The following GPC5 variants were observed in gnomAD, a reference collection of about 807,000 sequenced individuals.
GPC5 encodes the protein glypican-5.
A neutral mutation model predicts 53.9 loss-of-function variants in GPC5; 47 were observed. The ratio of observed to expected loss-of-function variants is 0.87; its 90% CI spans 0.69 to 1.11. The LOEUF is 1.11. GPC5 is among the 50% of genes most tolerant of loss of function. The pLI is 0.00. For synonymous variants in GPC5, 286 were observed against 263.3 expected (o/e 1.09, Z -0.84); for missense variants, 748 against 713.1 (o/e 1.05, Z -0.56).
At chr13:92,374,715 A>AG (rs1372993490) in intron 7 of GPC5, among the ~76,000 whole-genome samples, 9 of 52,546 alleles carry the variant, frequency 1.7e-4, no homozygotes, top group Non-Finnish European at 2.9e-4. Context: ...GGGTTGGGGG[A>AG]GGGGGGAGGG....
intron 6 of GPC5, among the ~76,000 whole-genome samples, chr13:92,002,285 A>C (rs1175610240): frequency 6.6e-6 from 1 of 152,228 alleles, no homozygotes; most frequent in Admixed American, 6.5e-5. Context: ...AAAGCGTATT[A>C]ACTGTCATTA....
chr13:91,910,806 G>T (rs1190704167), intron 6 of GPC5, among the ~76,000 whole-genome samples: 1 of 152,138 alleles, frequency 6.6e-6, no homozygotes, highest in South Asian at 2.1e-4. Context: ...AGGCACTGAG[G>T]TTAAAGTTGT....
chr13:92,545,033 A>T (rs1882056850), intron 7 of GPC5, among the ~76,000 whole-genome samples: 1 of 151,984 alleles, frequency 6.6e-6, no homozygotes, highest in African/African-American at 2.4e-5. Context: ...CTCGTCATTT[A>T]GCATTAGGTA....
intron 7 of GPC5, among the ~76,000 whole-genome samples, chr13:92,530,757 A>G (rs970295610): frequency 6.6e-6 from 1 of 152,042 alleles, no homozygotes; most frequent in African/African-American, 2.4e-5. Flanking sequence ...CTTCCACCAT[A>G]CCTTCTTAAG....
intron 7 of GPC5, among the ~76,000 whole-genome samples, chr13:92,848,336 C>T (rs1878677346): frequency 1.3e-5 from 2 of 152,096 alleles, no homozygotes; most frequent in Non-Finnish European, 2.9e-5. Context: ...GTTCTTTCTA[C>T]TACACTTCAT....
At chr13:92,020,564 A>T (rs1271029605) in intron 6 of GPC5, among the ~76,000 whole-genome samples, 1 of 151,940 alleles carries the variant, frequency 6.6e-6, no homozygotes, top group Non-Finnish European at 1.5e-5. Flanking sequence ...ATGATTAGTG[A>T]CACTGAGCAT....
At chr13:92,013,558 G>T (rs1256498240) in intron 6 of GPC5, among the ~76,000 whole-genome samples, 1 of 152,166 alleles carries the variant, frequency 6.6e-6, no homozygotes, top group Admixed American at 6.5e-5. Flanking sequence ...GGAACCAATT[G>T]GGAGAGAGCG....
intron 7 of GPC5, among the ~76,000 whole-genome samples, chr13:92,664,398 C>T (rs1487089317): frequency 2.7e-5 from 4 of 148,982 alleles, no homozygotes; most frequent in Non-Finnish European, 5.9e-5. Flanking sequence ...CAGCATTTTA[C>T]TTCCTTCTTC....
At chr13:91,421,811 A>G (rs914593273) in intron 1 of GPC5, among the ~76,000 whole-genome samples, 2 of 152,228 alleles carry the variant, frequency 1.3e-5, no homozygotes, top group Non-Finnish European at 2.9e-5. Context: ...ATAAGAGTGG[A>G]AAGTATTGAC....
chr13:92,591,096 C>A lies in GPC5; in HGVS notation c.1562-275186C>A, dbSNP rs75936070. 3.2e-3 allele frequency among the ~76,000 whole-genome samples: 482 copies of A among 152,222 alleles called. 7 individuals carry two copies. The highest frequency in any genetic ancestry group is 0.011 in the African/African-American group (461 of 41,554). ...AGATTATTAAAATAACTTTTCATGT[C>A]CCCTTCATCAACCTTTATATGCTGA... On this transcript the variant is annotated intron_variant, in intron 7 of 7. Transcript: ENST00000377067.
chr13:92,274,832 A>G (rs1169574725), intron 7 of GPC5, among the ~76,000 whole-genome samples: 4 of 152,164 alleles, frequency 2.6e-5, no homozygotes, highest in African/African-American at 9.7e-5. Flanking sequence ...TGTTGATTAG[A>G]AGAACATCAC....
At chr13:92,751,326 A>AAAAC (rs1889391704) in intron 7 of GPC5, among the ~76,000 whole-genome samples, 2 of 147,512 alleles carry the variant, frequency 1.4e-5, no homozygotes, top group Non-Finnish European at 3.0e-5. Context: ...AAAAAAAAAA[A>AAAAC]AAAAAAAAAC....
At chr13:92,140,571 ACT>A (rs1356399279) in intron 6 of GPC5, among the ~76,000 whole-genome samples, 6 of 151,756 alleles carry the variant, frequency 4.0e-5, no homozygotes, top group Non-Finnish European at 8.8e-5. Context: ...ACATTTTATC[ACT>A]CTTTCTGTGA....
Position 92,803,039 on chromosome 13 carries a change from T to G in GPC5, c.1562-63243T>G, listed in dbSNP as rs528432525. Among the ~76,000 whole-genome samples, 5 of 152,046 alleles carry G rather than the reference T, an allele frequency of 3.3e-5. No homozygotes were observed. In the South Asian group the frequency reaches 1.0e-3, roughly 32 times the overall value. ...ATGTAGGCTGGAATAGTCTAAATTT[T>G]GGACCCATTCCCCCAAATTTTAATT... On this transcript the variant is annotated intron_variant, in intron 7 of 7. Coordinates refer to ENST00000377067, the MANE Select transcript of GPC5 (RefSeq NM_004466.6).
intron 7 of GPC5, among the ~76,000 whole-genome samples, chr13:92,315,104 T>C (rs2043170301): frequency 6.6e-6 from 1 of 152,138 alleles, no homozygotes; most frequent in South Asian, 2.1e-4. Context: ...TTGAGAGAAA[T>C]TGTTTTAACT....
chr13:91,566,199 A>C (rs771577943), intron 2 of GPC5, among the ~76,000 whole-genome samples: 7 of 152,230 alleles, frequency 4.6e-5, no homozygotes, highest in Non-Finnish European at 7.4e-5. Context: ...TATTAAAGTC[A>C]GTTCTGAGTT....
At chr13:91,517,947 G>T (rs950323591) in intron 2 of GPC5, among the ~76,000 whole-genome samples, 1 of 152,120 alleles carries the variant, frequency 6.6e-6, no homozygotes, top group African/African-American at 2.4e-5. Flanking sequence ...CCTCCCCCGG[G>T]CCCCTCCCAC....
intron 7 of GPC5, among the ~76,000 whole-genome samples, chr13:92,539,887 G>T (rs1418448954): frequency 6.6e-6 from 1 of 151,766 alleles, no homozygotes; most frequent in Admixed American, 6.6e-5. Context: ...TTAATTCATT[G>T]GCTTAAATCC....
chr13:92,718,632 T>C (rs1888407319), intron 7 of GPC5, among the ~76,000 whole-genome samples: 1 of 152,054 alleles, frequency 6.6e-6, no homozygotes, highest in African/African-American at 2.4e-5. Context: ...ATCTCCTATT[T>C]GCTATCACAA....
Sources: gnomAD v4.1 joint callset for allele counts (sites outside exome capture counted in the v4.1 genomes callset) on GRCh38, gnomAD v4.1.1 for gene constraint, MANE v1.5 for transcripts, NCBI Gene and HGNC (gene_info 2026-07-23, HGNC 2026-07-21) for gene names.